RIMS2: variants seen among roughly 807,000 people sequenced by gnomAD.
RIMS2 encodes the protein regulating synaptic membrane exocytosis 2, also known as regulating synaptic membrane exocytosis protein 2.
RIMS2 carries 59 observed loss-of-function variants against 174.4 expected under a neutral mutation model. The ratio of observed to expected loss-of-function variants is 0.34; its 90% confidence interval spans 0.27 to 0.42. The LOEUF (loss-of-function observed/expected upper bound fraction) is 0.42, where lower values mean the gene tolerates loss of function less well. Ranked by LOEUF, RIMS2 falls within the 10% of genes least tolerant of loss-of-function variation. RIMS2 has a pLI of 1.00. For synonymous variants in RIMS2, 606 were observed against 572.5 expected, an observed-to-expected ratio of 1.06 and a Z score of -0.84; for missense variants, 1,620 against 1,666.3, an observed-to-expected ratio of 0.97 and a Z score of 0.48.
intron 19 of RIMS2, among the ~76,000 whole-genome samples, chr8:104,094,238 T>A (rs2130355849): frequency 6.6e-6 from 1 of 152,094 alleles, no homozygotes; most frequent in East Asian, 1.9e-4. Context: ...AACTTTTACC[T>A]TTTTTCATGT....
intron 19 of RIMS2, among the ~76,000 whole-genome samples, chr8:104,059,205 G>A (rs2096930627): frequency 6.6e-6 from 1 of 151,536 alleles, no homozygotes; most frequent in African/African-American, 2.4e-5. Flanking sequence ...CCATGAGCAT[G>A]GAATGTTCTT....
chr8:104,205,811 T>A (rs1241944021), intron 19 of RIMS2, among the ~76,000 whole-genome samples: 1 of 151,578 alleles, frequency 6.6e-6, no homozygotes, highest in African/African-American at 2.4e-5. Context: ...GCTGGAGTGC[T>A]GTGACATGAT....
intron 1 of RIMS2, among the ~76,000 whole-genome samples, chr8:103,591,588 G>A (rs2094260575): frequency 6.6e-6 from 1 of 151,082 alleles, no homozygotes; most frequent in Non-Finnish European, 1.5e-5. Context: ...ATTGTATGTG[G>A]TATGAAGTGA....
intron 19 of RIMS2, among the ~76,000 whole-genome samples, chr8:104,054,999 C>G (rs1310184234): frequency 6.6e-6 from 1 of 152,036 alleles, no homozygotes; most frequent in Admixed American, 6.6e-5. Flanking sequence ...TGATTCCACT[C>G]TTTTTGAAGG....
At chr8:103,812,331 GTTTTTTT>G (rs71575985) in intron 3 of RIMS2, among the ~76,000 whole-genome samples, 30 of 111,644 alleles carry the variant, frequency 2.7e-4, no homozygotes, top group African/African-American at 7.5e-4. Flanking sequence ...TTATTACCTT[GTTTTTTT>G]TTTTTTTTTT....
chr8:104,148,592 T>A lies in RIMS2; in HGVS notation c.3335-96324T>A. ...TTACTCTTGTCCTCACTTTTAATGA[T>A]CCATCGGCTGACAGTGTCTTTACAT... On this transcript the variant is annotated intron_variant, in intron 19 of 23. Coordinates refer to ENST00000504942, the Ensembl canonical transcript of RIMS2. 1 of 1,593,138 alleles carries A rather than the reference T, an allele frequency of 6.3e-7. No individual in the cohort carries two copies. The highest frequency in any genetic ancestry group is 8.5e-7 in the Non-Finnish European group (1 of 1,176,418).
intron 1 of RIMS2, among the ~76,000 whole-genome samples, chr8:103,630,580 C>CAAAAA (rs61194218): frequency 2.2e-4 from 19 of 86,950 alleles, no homozygotes; most frequent in Middle Eastern, 6.8e-3. Context: ...AACTCCATCT[C>CAAAAA]AAAAAAAAAA....
At chr8:104,169,691 T>C (rs1315020604) in intron 19 of RIMS2, among the ~76,000 whole-genome samples, 14 of 152,026 alleles carry the variant, frequency 9.2e-5, no homozygotes, top group African/African-American at 2.7e-4. Context: ...TGCTCTGATG[T>C]TTGTTATTTA....
At chr8:103,941,090 G>A (rs1185271293) in intron 13 of RIMS2, among the ~76,000 whole-genome samples, 4 of 152,066 alleles carry the variant, frequency 2.6e-5, no homozygotes, top group East Asian at 1.9e-4. Flanking sequence ...GCAACTCAGG[G>A]TTAATATGAG....
At chr8:104,081,978 T>C (rs2097428749) in intron 19 of RIMS2, among the ~76,000 whole-genome samples, 1 of 152,094 alleles carries the variant, frequency 6.6e-6, no homozygotes, top group East Asian at 1.9e-4. Flanking sequence ...GAATATTTTT[T>C]TTTCAATTTC....
At chr8:104,186,841 CAAAAGTAACATTTTTAACCT>C (rs1235507641) in intron 19 of RIMS2, among the ~76,000 whole-genome samples, 2 of 151,674 alleles carry the variant, frequency 1.3e-5, no homozygotes, top group Non-Finnish European at 3.0e-5. Context: ...AGTCAGGATC[CAAAAGTAACATTTTTAACCT>C]AAAAAGACCA....
intron 1 of RIMS2, among the ~76,000 whole-genome samples, chr8:103,536,620 A>G (rs1469228166): frequency 2.0e-5 from 3 of 152,280 alleles, no homozygotes; most frequent in South Asian, 4.1e-4. Flanking sequence ...CACATCTTGC[A>G]TGGCCAGAGC....
intron 2 of RIMS2, among the ~76,000 whole-genome samples, chr8:103,734,149 G>T (rs1305224487): frequency 1.3e-5 from 2 of 149,766 alleles, no homozygotes; most frequent in Admixed American, 1.3e-4. Context: ...AGTAGCTGGG[G>T]CTACAGGTGC....
At chr8:104,059,344 G>T (rs888964934) in intron 19 of RIMS2, among the ~76,000 whole-genome samples, 1 of 149,792 alleles carries the variant, frequency 6.7e-6, no homozygotes, top group Non-Finnish European at 1.5e-5. Flanking sequence ...GTGAATGGGA[G>T]TTCACTCATG....
intron 1 of RIMS2, among the ~76,000 whole-genome samples, chr8:103,585,059 C>T (rs1588295785): frequency 6.6e-6 from 1 of 152,064 alleles, no homozygotes; most frequent in Admixed American, 6.6e-5. Context: ...TCAATGGAAA[C>T]TATAAAAGAG....
intron 1 of RIMS2, among the ~76,000 whole-genome samples, chr8:103,637,852 A>G (rs1311461949): frequency 1.3e-5 from 2 of 152,046 alleles, no homozygotes; most frequent in African/African-American, 2.4e-5. Flanking sequence ...GTCTCTTCCA[A>G]TTTGTGACAG....
In RIMS2 at chr8:104,232,029, C is replaced by T. The variant is rs180782048; in HGVS notation, c.3335-12887C>T. ...TTACTACCACTCATAAAGCACTTAGCGCATATTGCCTTGCATTATTATTTG... is the reference window on the plus strand; with the variant it reads ...TTACTACCACTCATAAAGCACTTAGTGCATATTGCCTTGCATTATTATTTG... On this transcript the variant is annotated intron_variant, in intron 19 of 23. Transcript: ENST00000504942. 3.4e-3 allele frequency among the ~76,000 whole-genome samples: 356 copies of T among 104,920 alleles called. 3 individuals carry two copies. The highest frequency in any genetic ancestry group is 3.0e-3 in the Non-Finnish European group (163 of 54,908). The allele number at this position is 104,920 out of a possible 152,430, so 68.8% of individuals were successfully genotyped here.
intron 19 of RIMS2, among the ~76,000 whole-genome samples, chr8:104,168,735 G>A (rs919070810): frequency 4.6e-5 from 7 of 152,094 alleles, no homozygotes; most frequent in Admixed American, 1.3e-4. Context: ...AGTTCTCAAG[G>A]GGAATGCTTT....
intron 1 of RIMS2, among the ~76,000 whole-genome samples, chr8:103,601,132 G>A (rs763593176): frequency 1.8e-4 from 28 of 152,064 alleles, no homozygotes; most frequent in Non-Finnish European, 3.8e-4. Flanking sequence ...TGCATAGTTT[G>A]CAAAATATTT....
Sources: allele counts gnomAD v4.1 joint callset (sites outside exome capture counted in the v4.1 genomes callset), GRCh38; gene constraint gnomAD v4.1.1; transcripts MANE v1.5; gene names NCBI Gene and HGNC (gene_info 2026-07-23, HGNC 2026-07-21).